The following ICE1 variants were observed in gnomAD, a reference collection of about 807,000 sequenced individuals.
ICE1 encodes little elongation complex subunit 1.
A neutral mutation model predicts 192.7 loss-of-function variants in ICE1; 64 were observed. That is an observed-to-expected ratio of 0.33 (90% confidence interval 0.27 to 0.41). The LOEUF (loss-of-function observed/expected upper bound fraction) is 0.41, where lower values mean the gene tolerates loss of function less well. Among genes scored for constraint, ICE1 ranks in the 10% least tolerant of loss-of-function variants. The pLI, the probability that ICE1 is intolerant of heterozygous loss-of-function variation, is 1.00. For missense variants in ICE1, 2,708 were observed against 2,696.0 expected (o/e 1.00, Z -0.10); for synonymous variants, 1,010 against 984.5 (o/e 1.03, Z -0.49).
chr5:5,463,624 A>T lies in ICE1; in HGVS notation c.4290A>T (p.Val1430=), dbSNP rs1423215014. 2 of 1,614,004 alleles carry T rather than the reference A, an allele frequency of 1.2e-6. No individual in the cohort carries two copies. Among genetic ancestry groups the T allele is most frequent in the South Asian group, 2.2e-5 (2 of 91,084 alleles). The change falls in exon 13 of 19, where the codon GTA becomes GTT. Residue 1430 remains valine, a synonymous_variant. Coordinates refer to ENST00000296564, the MANE Select transcript of ICE1 (RefSeq NM_015325.3). ...KGDNWTIISG[V]AVLPHVDQVT... Reference sequence around the variant, plus strand: ...ACAACTGGACAATCATCAGTGGTGTAGCTGTCTTGCCACATGTGGACCAGG... The same window carrying T: ...ACAACTGGACAATCATCAGTGGTGTTGCTGTCTTGCCACATGTGGACCAGG...
At chr5:5,472,707 G>A (rs993689092) in intron 15 of ICE1, among the ~76,000 whole-genome samples, 1 of 152,164 alleles carries the variant, frequency 6.6e-6, no homozygotes, top group African/African-American at 2.4e-5. Flanking sequence ...AGTCCTTCTA[G>A]TAATAAAGCA....
At chr5:5,447,208 G>A (rs535151467) in intron 7 of ICE1, among the ~76,000 whole-genome samples, 6 of 152,256 alleles carry the variant, frequency 3.9e-5, no homozygotes, top group East Asian at 1.9e-4. Flanking sequence ...TAAGGCCTGC[G>A]CTAGTTCTGT....
intron 1 of ICE1, among the ~76,000 whole-genome samples, chr5:5,428,218 G>C (rs1737583514): frequency 6.6e-6 from 1 of 152,082 alleles, no homozygotes; most frequent in Non-Finnish European, 1.5e-5. Flanking sequence ...TTGGGGCACA[G>C]TTAGAGAGAG....
Position 5,462,526 on chromosome 5 carries a change from T to A in ICE1, c.3192T>A (p.Phe1064Leu), listed in dbSNP as rs757579295. 4 of 1,614,032 alleles carry A rather than the reference T, an allele frequency of 2.5e-6. No individual in the cohort carries two copies. Among genetic ancestry groups the A allele is most frequent in the Non-Finnish European group, 3.4e-6 (4 of 1,179,884 alleles). Residue 1064 changes from phenylalanine to leucine, a missense_variant, in exon 13 of 19, where the codon TTT becomes TTA. Transcript: ENST00000296564. ...TTPGGALPEC[F>L]GTTDTTFSSA... ...CCGGTGGTGCTTTGCCTGAGTGTTT[T>A]GGCACCACAGACACTACTTTTTCTT...
At chr5:5,437,018 A>C (rs906546235) in intron 2 of ICE1, 62 bp from the exon 3 acceptor site, 4 of 1,083,276 alleles carry the variant, frequency 3.7e-6, no homozygotes, top group Non-Finnish European at 5.5e-6. Context: ...TTGAAACATA[A>C]TTTTAACATA....
Position 5,468,894 on chromosome 5 carries a change from A to G in ICE1, c.6128A>G (p.Gln2043Arg), listed in dbSNP as rs1192852769. ...ATGTGGCATGATATATTTCTCTCTC[A>G]ATCGGTGATTAATAAAGCAATGCAG... ...ANMWHDIFLS[Q>R]SVINKAMQLV... The change falls in exon 15 of 19, where the codon CAA becomes CGA. Residue 2043 changes from glutamine (Q) to arginine (R), a missense_variant. Physicochemically the swap from Gln to Arg is conservative, Grantham distance 43. Transcript: ENST00000296564. 8 of 1,607,004 alleles carry G rather than the reference A, an allele frequency of 5.0e-6. No individual in the cohort carries two copies. Among genetic ancestry groups the G allele is most frequent in the South Asian group, 1.1e-5 (1 of 89,456 alleles).
In ICE1 at chr5:5,464,261, C is replaced by T. The variant is rs1738904427; in HGVS notation, c.4927C>T (p.Pro1643Ser). Residue 1643 changes from proline to serine, a missense_variant, in exon 13 of 19, where the codon CCT becomes TCT. Transcript: ENST00000296564. The surrounding 1 kb of genome is among the most constrained non-coding windows in gnomAD (Gnocchi z 4.0). ...PPLLAPLIAT[P>S]PRTSQPLSPL... ...TCTGCTTGCTCCTCTGATAGCTACA[C>T]CTCCAAGGACTTCACAGCCACTGTC... The T allele has an allele frequency of 6.2e-7, 1 of 1,613,652 alleles. No homozygotes were observed. The highest frequency in any genetic ancestry group is 8.5e-7 in the Non-Finnish European group (1 of 1,179,812).
chr5:5,456,070 T>C (rs1385720365), intron 11 of ICE1, among the ~76,000 whole-genome samples: 1 of 152,166 alleles, frequency 6.6e-6, no homozygotes, highest in Non-Finnish European at 1.5e-5. Flanking sequence ...CATGTCAGAT[T>C]GAGGTTGTAT....
In ICE1 at chr5:5,441,218, A is replaced by G; in HGVS notation, c.304A>G (p.Lys102Glu). The part of the protein sequence containing the change: ...LGSLKAELEE[K>E]KSSLKLYQDT... ...ATCTTTAAAAGCAGAGCTAGAAGAG[A>G]AAAAGGTATGAACAATAATTTTCTG... Residue 102 changes from lysine to glutamate, a missense_variant, in exon 5 of 19, where the codon AAA becomes GAA. By Grantham distance (56) the Lys-to-Glu change is moderately conservative (BLOSUM62 1). Around this residue, in one of 2 missense-constraint regions of ICE1, gnomAD observed 2,366 missense variants for 2,276.6 expected, o/e 1.04. Transcript: ENST00000296564. The G allele has an allele frequency of 6.5e-7, 1 of 1,527,494 alleles. No individual in the cohort carries two copies. The highest frequency in any genetic ancestry group is 1.2e-5 in the South Asian group (1 of 83,566). The allele number at this position is 1,527,494 out of a possible 1,614,324, so 94.6% of individuals were successfully genotyped here. A position where few individuals can be genotyped will look rare whatever the true frequency, so the allele number is the denominator to read the frequency against.
At position 5,462,429 on chromosome 5, in the gene ICE1, T is replaced by G. The variant is rs201186521; in HGVS notation, c.3095T>G (p.Leu1032Arg). The change falls in exon 13 of 19, where the codon CTG becomes CGG. Residue 1032 changes from leucine to arginine, a missense_variant. Physicochemically the swap from Leu to Arg is moderately radical, Grantham distance 102 (BLOSUM62 -2). This residue lies in a region of ICE1 where 2,366 missense variants were observed against 2,276.6 expected (regional missense o/e 1.04). Transcript: ENST00000296564. The part of the protein sequence containing the change: ...GDTGRSGGEA[L>R]AVANDSTSTP... ...ACAGGGAGATCTGGTGGTGAGGCCC[T>G]GGCTGTTGCAAATGATTCTACCAGC... The G allele has an allele frequency of 4.3e-6, 7 of 1,614,022 alleles. No individual in the cohort carries two copies. The highest frequency in any genetic ancestry group is 5.9e-6 in the Non-Finnish European group (7 of 1,179,898).
At chr5:5,475,842 C>A in intron 16 of ICE1, 131 bp from the exon 17 acceptor site, 1 of 655,628 alleles carries the variant, frequency 1.5e-6, no homozygotes, top group Non-Finnish European at 2.7e-6. Flanking sequence ...AGTATCTGTT[C>A]TCACTTGAAC....
chr5:5,458,013 T>G (rs1332120730), intron 12 of ICE1, among the ~76,000 whole-genome samples: 1 of 152,214 alleles, frequency 6.6e-6, no homozygotes, highest in Non-Finnish European at 1.5e-5. Flanking sequence ...AGGCTGTGTC[T>G]TAATTGTTTT....
chr5:5,423,028 G>GA, intron 1 of ICE1, 29 bp downstream of exon 1: 2 of 1,296,744 alleles, frequency 1.5e-6, no homozygotes, highest in Middle Eastern at 2.8e-4. Context: ...CCCCGGGCGC[G>GA]GGGGGGGACT....
chr5:5,443,124 T>A lies in ICE1; in HGVS notation c.310-44T>A, dbSNP rs986156163. 6 of 1,132,256 alleles carry A rather than the reference T, an allele frequency of 5.3e-6. No homozygotes were observed. The African/African-American group carries it at 6.4e-5, about 12-fold the overall frequency. 70.1% of individuals were successfully genotyped at this position (1,132,256 alleles called of 1,614,324 possible). Reference sequence around the variant, plus strand: ...AAAGCAAGTTATGACCAATGGTCAGTGACTTTCATTTTGACAATATCTGTT... The same window carrying A: ...AAAGCAAGTTATGACCAATGGTCAGAGACTTTCATTTTGACAATATCTGTT... On this transcript the variant is annotated intron_variant, in intron 5 of 18. Coordinates refer to ENST00000296564, the MANE Select transcript of ICE1 (RefSeq NM_015325.3).
chr5:5,480,434 G>C (rs536521220), intron 17 of ICE1, among the ~76,000 whole-genome samples: 1 of 151,964 alleles, frequency 6.6e-6, no homozygotes, highest in African/African-American at 2.4e-5. Flanking sequence ...ATTTTTAGTA[G>C]AGACGGGGTT....
Position 5,457,160 on chromosome 5 carries a change from T to C in ICE1, c.692-172T>C, listed in dbSNP as rs7709294. On this transcript the variant is annotated intron_variant, in intron 11 of 18. Transcript: ENST00000296564. Reference sequence around the variant, plus strand: ...GCTAGCATACTTGTATGAAATGTATTGATTTTCTAGGATAATGTTTAGAAA... The same window carrying C: ...GCTAGCATACTTGTATGAAATGTATCGATTTTCTAGGATAATGTTTAGAAA... Among the ~76,000 whole-genome samples, 502 of 152,326 alleles carry C rather than the reference T, an allele frequency of 3.3e-3. 3 individuals carry two copies. Among genetic ancestry groups the C allele is most frequent in the African/African-American group, 0.011 (476 of 41,574 alleles).
At chr5:5,458,796 G>T (rs1300120184) in intron 12 of ICE1, among the ~76,000 whole-genome samples, 1 of 152,224 alleles carries the variant, frequency 6.6e-6, no homozygotes, top group Non-Finnish European at 1.5e-5. Flanking sequence ...ATATGAATGA[G>T]TAGGGAGTGG....
In ICE1 at chr5:5,451,453, T is replaced by C. The variant is rs146561948; in HGVS notation, c.605-3099T>C. Reference sequence around the variant, plus strand: ...GATAGCTGGTTCTTTGTAATGCTAGTGAAACCAACAACTCTTTGGTAAACT... The same window carrying C: ...GATAGCTGGTTCTTTGTAATGCTAGCGAAACCAACAACTCTTTGGTAAACT... On this transcript the variant is annotated intron_variant, in intron 10 of 18. Transcript: ENST00000296564. Among the ~76,000 whole-genome samples the C allele has an allele frequency of 1.8e-4, 27 of 152,214 alleles. 1 individual carries two copies. The highest frequency in any genetic ancestry group is 6.5e-4 in the African/African-American group (27 of 41,552).
At chr5:5,448,763 T>A (rs918949224) in intron 10 of ICE1, among the ~76,000 whole-genome samples, 5 of 152,202 alleles carry the variant, frequency 3.3e-5, no homozygotes, top group Non-Finnish European at 5.9e-5. Context: ...AATTTTTTTT[T>A]AAAATTCAGA....
Sources: allele counts gnomAD v4.1 joint callset (sites outside exome capture counted in the v4.1 genomes callset), GRCh38; gene constraint gnomAD v4.1.1; regional missense constraint gnomAD v4.1.1; non-coding constraint Gnocchi (gnomAD v3.1); transcripts MANE v1.5; gene names NCBI Gene and HGNC (gene_info 2026-07-23, HGNC 2026-07-21).